CLVS1: variants seen among roughly 807,000 people sequenced by gnomAD.
The protein encoded by CLVS1 is clavesin 1.
In CLVS1, 10 loss-of-function variants were observed where a neutral mutation model predicts 33.1. That is an observed-to-expected ratio of 0.30 (90% CI 0.19 to 0.51). The LOEUF is 0.51. CLVS1 is among the 20% of genes least tolerant of loss of function. The pLI is 0.97. For missense variants in CLVS1, 343 were observed against 433.4 expected, an observed-to-expected ratio of 0.79 and a Z score of 1.85; for synonymous variants, 163 against 166.1, an observed-to-expected ratio of 0.98 and a Z score of 0.14.
intron 5 of CLVS1, among the ~76,000 whole-genome samples, chr8:61,493,384 G>T (rs368725048): frequency 6.6e-5 from 10 of 152,232 alleles, no homozygotes; most frequent in East Asian, 1.9e-4. Flanking sequence ...AAATAGAGAA[G>T]AATAATAAGA....
chr8:61,347,666 A>G (rs990320458), intron 2 of CLVS1, among the ~76,000 whole-genome samples: 6 of 99,538 alleles, frequency 6.0e-5, no homozygotes, highest in Admixed American at 1.1e-4. Context: ...ATATATATAT[A>G]TATATATATA....
chr8:61,051,652 G>A, the CLVS1 span, among the ~76,000 whole-genome samples: 2 of 152,260 alleles, frequency 1.3e-5, no homozygotes, highest in Non-Finnish European at 2.9e-5. Context: ...TCTGGAAGGG[G>A]CAGCAGTTTG....
At chr8:61,130,267 A>ATAAG (rs1554538182) in intron 1 of CLVS1, among the ~76,000 whole-genome samples, 14 of 150,620 alleles carry the variant, frequency 9.3e-5, no homozygotes, top group African/African-American at 3.2e-4. Context: ...AAATAAATAA[A>ATAAG]TAAATAAATA....
chr8:61,092,657 G>T (rs1278960026), intron 1 of CLVS1, among the ~76,000 whole-genome samples: 1 of 152,170 alleles, frequency 6.6e-6, no homozygotes, highest in Non-Finnish European at 1.5e-5. Context: ...CAGGTTAAAT[G>T]TGCTTCATAT....
At chr8:61,443,715 A>T (rs1181171745) in intron 3 of CLVS1, among the ~76,000 whole-genome samples, 2 of 152,142 alleles carry the variant, frequency 1.3e-5, no homozygotes, top group African/African-American at 4.8e-5. Flanking sequence ...TATTTTAACT[A>T]TTCCAGGGCC....
chr8:61,095,749 A>C (rs1805341022), intron 1 of CLVS1, among the ~76,000 whole-genome samples: 1 of 152,216 alleles, frequency 6.6e-6, no homozygotes, highest in African/African-American at 2.4e-5. Flanking sequence ...TTGGTGTTTC[A>C]AGGCACGCTG....
intron 2 of CLVS1, among the ~76,000 whole-genome samples, chr8:61,236,348 G>T (rs1008460519): frequency 3.3e-5 from 5 of 152,166 alleles, no homozygotes; most frequent in Non-Finnish European, 7.4e-5. Context: ...AAAGATGAAC[G>T]TGTTCAGCTC....
chr8:61,198,479 G>A (rs563592925), intron 2 of CLVS1, among the ~76,000 whole-genome samples: 25 of 152,120 alleles, frequency 1.6e-4, no homozygotes, highest in Admixed American at 1.1e-3. Context: ...TCCTGGGTTC[G>A]AGCGATTCTC....
chr8:61,324,645 A>G (rs1346123787), intron 2 of CLVS1, among the ~76,000 whole-genome samples: 1 of 152,144 alleles, frequency 6.6e-6, no homozygotes, highest in East Asian at 1.9e-4. Flanking sequence ...GAAAGTTTGG[A>G]ACCTCCTAGA....
At chr8:61,397,969 T>C (rs1434417298) in intron 3 of CLVS1, among the ~76,000 whole-genome samples, 1 of 152,114 alleles carries the variant, frequency 6.6e-6, no homozygotes, top group Non-Finnish European at 1.5e-5. Flanking sequence ...TTCAAGATTG[T>C]TTGGGTTATC....
intron 3 of CLVS1, among the ~76,000 whole-genome samples, chr8:61,449,546 C>A (rs949808188): frequency 6.6e-6 from 1 of 152,174 alleles, no homozygotes; most frequent in African/African-American, 2.4e-5. Context: ...TAGGAAGGGA[C>A]CACAGTTTTT....
chr8:61,223,570 T>C (rs1585702551), intron 2 of CLVS1, among the ~76,000 whole-genome samples: 1 of 152,220 alleles, frequency 6.6e-6, no homozygotes, highest in East Asian at 1.9e-4. Context: ...TGGGCTTTCC[T>C]TTGTAGGTGA....
chr8:61,140,790 T>C (rs1394305986), intron 2 of CLVS1, among the ~76,000 whole-genome samples: 1 of 152,056 alleles, frequency 6.6e-6, no homozygotes, highest in Non-Finnish European at 1.5e-5. Context: ...ATGGTCTCGA[T>C]CTCCTGACCT....
At chr8:61,497,450 G>GT (rs1052627006) in intron 5 of CLVS1, among the ~76,000 whole-genome samples, 16 of 147,638 alleles carry the variant, frequency 1.1e-4, no homozygotes, top group South Asian at 4.5e-4. Context: ...ATTGGGGGGG[G>GT]GGTGTCAGTC....
intron 1 of CLVS1, among the ~76,000 whole-genome samples, chr8:61,123,637 G>A (rs1489544934): frequency 6.6e-6 from 1 of 152,016 alleles, no homozygotes; most frequent in African/African-American, 2.4e-5. Flanking sequence ...CAAAAATTTG[G>A]GGAGGGACTC....
chr8:61,175,333 A>T (rs1392439046), intron 2 of CLVS1, among the ~76,000 whole-genome samples: 2 of 152,196 alleles, frequency 1.3e-5, no homozygotes, highest in East Asian at 1.9e-4. Context: ...GTGAGGACAC[A>T]GTGAGAAGGC....
At chr8:61,112,096 T>C (rs1423911056) in intron 1 of CLVS1, among the ~76,000 whole-genome samples, 1 of 152,054 alleles carries the variant, frequency 6.6e-6, no homozygotes, top group Admixed American at 6.6e-5. Context: ...AAATGACTGT[T>C]GCAGGGAAGC....
At chr8:61,259,049 G>A (rs556944054) in intron 2 of CLVS1, among the ~76,000 whole-genome samples, 1 of 152,266 alleles carries the variant, frequency 6.6e-6, no homozygotes, top group South Asian at 2.1e-4. Context: ...AGAATTCTAT[G>A]GTCAAACTAC....
chr8:60,968,275 C>T, the CLVS1 span, among the ~76,000 whole-genome samples: 1,430 of 152,036 alleles, frequency 9.4e-3, 23 homozygotes, highest in African/African-American at 0.032. Flanking sequence ...TTTGGGAGGC[C>T]GAGGCCGAGG....
Sources: allele counts gnomAD v4.1 joint callset (sites outside exome capture counted in the v4.1 genomes callset), GRCh38; gene constraint gnomAD v4.1.1; transcripts MANE v1.5; gene names NCBI Gene and HGNC (gene_info 2026-07-23, HGNC 2026-07-21).